The following ACAA2 variants were observed in gnomAD, a reference collection of about 807,000 sequenced individuals.
ACAA2 encodes the protein acetyl-CoA acyltransferase 2, also known as 3-ketoacyl-CoA thiolase, mitochondrial.
Under a neutral mutation model 44.8 loss-of-function variants are expected in ACAA2, and 35 were observed. The observed-to-expected ratio is 0.78, with a 90% CI of 0.60 to 1.04. The LOEUF is 1.04. ACAA2 is among the 50% of genes least tolerant of loss of function. The pLI is 0.00. For missense variants in ACAA2, 468 were observed against 482.6 expected, an observed-to-expected ratio of 0.97 and a Z score of 0.28; for synonymous variants, 142 against 166.5, an observed-to-expected ratio of 0.85 and a Z score of 1.13.
Position 49,794,432 on chromosome 18 carries a change from TAA to T in ACAA2, c.430-7_430-6del, listed in dbSNP as rs771734017. 4 of 1,571,530 alleles carry T rather than the reference TAA, an allele frequency of 2.5e-6. No individual in the cohort carries two copies. Among genetic ancestry groups the T allele is most frequent in the South Asian group, 2.4e-5 (2 of 82,280 alleles). The stretch of plus-strand genomic sequence containing the variant: ...TACCCATAAAGAATCTTCCAGCTAT[TAA>T]AAGACATTAATAAAGTGACTTGTTA... On this transcript the variant is annotated splice_polypyrimidine_tract_variant and splice_region_variant and intron_variant, in intron 4 of 9. Transcript: ENST00000285093.
chr18:49,799,294 C>G (rs1037246212), intron 2 of ACAA2, among the ~76,000 whole-genome samples: 3 of 151,600 alleles, frequency 2.0e-5, no homozygotes, highest in Non-Finnish European at 2.9e-5. Flanking sequence ...GCTGCCATCT[C>G]GGCTCACTGC....
intron 7 of ACAA2, among the ~76,000 whole-genome samples, chr18:49,790,267 G>T (rs1598792356): frequency 1.3e-5 from 2 of 152,176 alleles, no homozygotes; most frequent in African/African-American, 4.8e-5. Flanking sequence ...CATAGTGAAA[G>T]ATGACAAAAT....
At position 49,796,966 on chromosome 18, in the gene ACAA2, G is replaced by GTA. The variant is rs10605509; in HGVS notation, c.312+498_312+499dup. On this transcript the variant is annotated intron_variant, in intron 3 of 9. Transcript: ENST00000285093. ...CATACTAGCTTTTAAAAATATTGAA[G>GTA]TATATATATATATATAATACTTACC... 6.2e-3 allele frequency among the ~76,000 whole-genome samples: 935 copies of GTA among 150,866 alleles called. 4 individuals carry two copies. The highest frequency in any genetic ancestry group is 8.6e-3 in the Non-Finnish European group (584 of 67,648).
chr18:49,793,291 C>T (rs2023427425), intron 5 of ACAA2, among the ~76,000 whole-genome samples: 1 of 152,164 alleles, frequency 6.6e-6, no homozygotes, highest in African/African-American at 2.4e-5. Flanking sequence ...ATAATACTAA[C>T]CTTAATTTTC....
intron 1 of ACAA2, among the ~76,000 whole-genome samples, chr18:49,805,360 T>C (rs970036916): frequency 1.4e-4 from 22 of 152,340 alleles, no homozygotes; most frequent in African/African-American, 3.6e-4. Flanking sequence ...AGGAGCAATA[T>C]ATATAACTAT....
At chr18:49,784,702 A>C (rs1264025026) in intron 9 of ACAA2, among the ~76,000 whole-genome samples, 1 of 152,182 alleles carries the variant, frequency 6.6e-6, no homozygotes, top group Non-Finnish European at 1.5e-5. Flanking sequence ...CTATCTATCA[A>C]AACTGAAAAG....
Position 49,813,501 on chromosome 18 carries a change from T to G in ACAA2, c.-17A>C, listed in dbSNP as rs1472622030. ...CAGAGCCATGGCGGCTGCTGGGTCG[T>G]CGGCGGCGCGGGTCTGTGGTGTGGG... On this transcript the variant is annotated 5_prime_UTR_variant, in exon 1 of 10. Transcript: ENST00000285093. The G allele has an allele frequency of 4.0e-6, 5 of 1,240,438 alleles. No individual in the cohort carries two copies. The East Asian group carries it at 1.3e-4, about 31-fold the overall frequency. 76.8% of individuals were successfully genotyped at this position (1,240,438 alleles called of 1,614,324 possible).
chr18:49,792,959 AATTAT>A (rs987181089), intron 5 of ACAA2, among the ~76,000 whole-genome samples: 4 of 152,208 alleles, frequency 2.6e-5, no homozygotes, highest in African/African-American at 4.8e-5. Flanking sequence ...TATTTTTAAA[AATTAT>A]ATTTTTTTAA....
At chr18:49,800,175 T>C (rs1225593326) in intron 2 of ACAA2, among the ~76,000 whole-genome samples, 1 of 21,126 alleles carries the variant, frequency 4.7e-5, no homozygotes, top group African/African-American at 1.7e-4. Context: ...GGGAGGGAGG[T>C]GGGGGGTCAG....
Position 49,783,450 on chromosome 18 carries a change from T to A in ACAA2, c.*397A>T, listed in dbSNP as rs142479593. On this transcript the variant is annotated 3_prime_UTR_variant, in exon 10 of 10. Transcript: ENST00000285093. Reference sequence around the variant, plus strand: ...AAGATGGTAAAGTTTATGTAATGTGTATCTTATCACAATTTAAAATTTTTA... The same window carrying A: ...AAGATGGTAAAGTTTATGTAATGTGAATCTTATCACAATTTAAAATTTTTA... 28 of 164,120 alleles carry A rather than the reference T, an allele frequency of 1.7e-4. No homozygotes were observed. Among genetic ancestry groups the A allele is most frequent in the African/African-American group, 6.0e-4 (25 of 41,970 alleles). 10.2% of individuals were successfully genotyped at this position (164,120 alleles called of 1,614,324 possible).
chr18:49,800,012 C>T (rs1256718374), intron 2 of ACAA2, among the ~76,000 whole-genome samples: 6 of 148,076 alleles, frequency 4.1e-5, no homozygotes, highest in East Asian at 2.1e-4. Context: ...GGAGCCCCTC[C>T]GCCTGGCAGC....
intron 7 of ACAA2, among the ~76,000 whole-genome samples, chr18:49,787,701 T>C (rs2023350165): frequency 6.6e-6 from 1 of 152,142 alleles, no homozygotes; most frequent in Non-Finnish European, 1.5e-5. Flanking sequence ...AAGTTGTTTA[T>C]ACATTCAAAC....
Position 49,801,810 on chromosome 18 carries a change from A to C in ACAA2, c.183+877T>G, listed in dbSNP as rs945608807. Among the ~76,000 whole-genome samples, 20 of 144,986 alleles carry C rather than the reference A, an allele frequency of 1.4e-4. 1 individual carries two copies. The highest frequency in any genetic ancestry group is 5.1e-4 in the African/African-American group (20 of 39,396). On this transcript the variant is annotated intron_variant, in intron 2 of 9. Coordinates refer to ENST00000285093, the MANE Select transcript of ACAA2 (RefSeq NM_006111.3). ...CATATATATATATATATATATATAT[A>C]TATATCTTATCTTTTTCATTAGATT...
chr18:49,789,948 T>C (rs1399898150), intron 7 of ACAA2, among the ~76,000 whole-genome samples: 2 of 152,084 alleles, frequency 1.3e-5, no homozygotes, highest in East Asian at 3.9e-4. Context: ...CGAGACTCTG[T>C]GTCAAAAACA....
intron 9 of ACAA2, among the ~76,000 whole-genome samples, 185 bp from the exon 10 acceptor site, chr18:49,784,116 CAAAAAAA>C (rs75478873): frequency 6.6e-6 from 1 of 150,820 alleles, no homozygotes; most frequent in Non-Finnish European, 1.5e-5. Context: ...AGTTTTTAAT[CAAAAAAA>C]ACAAAAAACA....
Position 49,785,341 on chromosome 18 carries a change from G to T in ACAA2, c.965C>A (p.Ala322Asp). The T allele has an allele frequency of 1.9e-6, 3 of 1,612,266 alleles. No homozygotes were observed. Among genetic ancestry groups the T allele is most frequent in the Non-Finnish European group, 2.5e-6 (3 of 1,179,582 alleles). The change falls in exon 9 of 10, where the codon GCT (alanine) becomes GAT (aspartate). Residue 322 changes from alanine (A) to aspartate (D), a missense_variant. Ala to Asp is a moderately radical substitution (Grantham distance 126). Transcript: ENST00000285093. ...AACAGCCAAGTACTGGGGAGCAAAA[G>T]CTTCATTCACCTTAAAACAAAAATT... ...KDMDLVEVNE[A>D]FAPQYLAVER...
chr18:49,799,867 G>GCGACC (rs2023517260), intron 2 of ACAA2, among the ~76,000 whole-genome samples: 1 of 33,524 alleles, frequency 3.0e-5, no homozygotes, highest in Non-Finnish European at 5.8e-5. Flanking sequence ...CTGCCCGGCC[G>GCGACC]CGACCCCATC....
At chr18:49,797,741 ATAT>A (rs2023481781) in intron 2 of ACAA2, 147 bp from the exon 3 acceptor site, 1 of 559,034 alleles carries the variant, frequency 1.8e-6, no homozygotes. Context: ...TAAGTACAGC[ATAT>A]TATATCTAAT....
At chr18:49,788,319 A>ATCAAGTT (rs1248610229) in intron 7 of ACAA2, among the ~76,000 whole-genome samples, 4 of 152,250 alleles carry the variant, frequency 2.6e-5, no homozygotes, top group Non-Finnish European at 5.9e-5. Context: ...AATATTCTGC[A>ATCAAGTT]TCAAGTTTCA....
Sources: allele counts gnomAD v4.1 joint callset (sites outside exome capture counted in the v4.1 genomes callset), GRCh38; gene constraint gnomAD v4.1.1; transcripts MANE v1.5; gene names NCBI Gene and HGNC (gene_info 2026-07-23, HGNC 2026-07-21).